CRACDL: variants seen among roughly 807,000 people sequenced by gnomAD.
CRACDL encodes CRACD like, also known as CRACD-like protein.
CRACDL carries 26 observed loss-of-function variants against 70.6 expected under a neutral mutation model. The ratio of observed to expected loss-of-function variants is 0.37; its 90% CI spans 0.27 to 0.51. CRACDL has a LOEUF of 0.51. CRACDL is among the 20% of genes least tolerant of loss of function. The pLI, the probability that CRACDL is intolerant of heterozygous loss-of-function variation, is 0.94. For missense variants in CRACDL, 1,283 were observed against 1,376.9 expected, an observed-to-expected ratio of 0.93 and a Z score of 1.08; for synonymous variants, 618 against 615.2, an observed-to-expected ratio of 1.00 and a Z score of -0.07.
chr2:98,822,303 G>T lies in CRACDL; in HGVS notation c.1970C>A (p.Ala657Glu), dbSNP rs1366098091. ...CTCTCTCGTGCCGGGCGCGGCGGCCGCCTCCTGAGGGCTCTTGCGCGGCCC... is the reference window on the plus strand; with the variant it reads ...CTCTCTCGTGCCGGGCGCGGCGGCCTCCTCCTGAGGGCTCTTGCGCGGCCC... ...PAGPRKSPQE[A>E]AAAPGTREPC... The change falls in exon 7 of 10, where the codon GCG becomes GAG. Residue 657 changes from alanine (A) to glutamate (E), a missense_variant. Coordinates refer to ENST00000397899, the MANE Select transcript of CRACDL (RefSeq NM_207362.3). The surrounding 1 kb of genome is among the most constrained non-coding windows in gnomAD (Gnocchi z 4.9). 6.6e-7 allele frequency: 1 copy of T among 1,515,700 alleles called. No individual in the cohort carries two copies. The highest frequency in any genetic ancestry group is 8.8e-7 in the Non-Finnish European group (1 of 1,141,938). 93.9% of individuals were successfully genotyped at this position (1,515,700 alleles called of 1,614,324 possible).
At chr2:98,915,551 A>C (rs899667898) in intron 1 of CRACDL, among the ~76,000 whole-genome samples, 1 of 152,132 alleles carries the variant, frequency 6.6e-6, no homozygotes, top group African/African-American at 2.4e-5. Flanking sequence ...AGTCACCTAG[A>C]TCACAGAGGG....
intron 7 of CRACDL, among the ~76,000 whole-genome samples, chr2:98,801,896 G>T (rs536496243): frequency 6.6e-6 from 1 of 152,338 alleles, no homozygotes; most frequent in Admixed American, 6.5e-5. Flanking sequence ...TCCTGCTGGA[G>T]GAGGGGTGGA....
At chr2:98,860,939 G>T (rs1706910883) in intron 1 of CRACDL, among the ~76,000 whole-genome samples, 1 of 152,116 alleles carries the variant, frequency 6.6e-6, no homozygotes, top group Non-Finnish European at 1.5e-5. Context: ...ACAGACAAAG[G>T]ATTTGAACAT....
At chr2:98,812,587 G>A (rs1479642773) in intron 7 of CRACDL, among the ~76,000 whole-genome samples, 4 of 151,968 alleles carry the variant, frequency 2.6e-5, no homozygotes, top group Non-Finnish European at 4.4e-5. Flanking sequence ...ATGGTTTTGT[G>A]TTTCCCTAAT....
intron 1 of CRACDL, among the ~76,000 whole-genome samples, chr2:98,929,908 G>T (rs571302840): frequency 1.3e-5 from 2 of 152,222 alleles, no homozygotes; most frequent in East Asian, 3.9e-4. Flanking sequence ...TGGACCCAAG[G>T]CAGCTGGGCA....
rs377141979 is a variant in CRACDL at position 98,882,278 on chromosome 2, C to T, written c.-10-35468G>A. Among the ~76,000 whole-genome samples, 303 of 152,338 alleles carry T rather than the reference C, an allele frequency of 2.0e-3. 1 individual carries two copies. The highest frequency in any genetic ancestry group is 7.0e-3 in the African/African-American group (291 of 41,574). On this transcript the variant is annotated intron_variant, in intron 1 of 9. Coordinates refer to ENST00000397899, the MANE Select transcript of CRACDL (RefSeq NM_207362.3). Reference sequence around the variant, plus strand: ...CCAGCAGGGCTAGAAATTGTGATCACCCAGGAATTCAGTTAGCCAGACTCT... The same window carrying T: ...CCAGCAGGGCTAGAAATTGTGATCATCCAGGAATTCAGTTAGCCAGACTCT...
intron 1 of CRACDL, among the ~76,000 whole-genome samples, chr2:98,884,019 G>A (rs962022550): frequency 6.6e-6 from 1 of 152,324 alleles, no homozygotes; most frequent in African/African-American, 2.4e-5. Context: ...GGAGCTGATC[G>A]GTGGCTGGGA....
chr2:98,832,358 G>A lies in CRACDL; in HGVS notation c.530C>T (p.Thr177Ile). ...ACAGGCCGCACTTGCCTTTATGGTG[G>A]TACCAGGACCCACGTCGTGCAGCAG... ...MSLLHDVGPG[T>I]TIKVSVVSPD... is the part of the protein sequence containing the mutation. The change falls in exon 5 of 10, where the codon ACC becomes ATC. Residue 177 changes from threonine (T) to isoleucine (I), a missense_variant. Around this residue, in one of 2 missense-constraint regions of CRACDL, gnomAD observed 362 missense variants for 495.0 expected, o/e 0.73. Transcript: ENST00000397899. 6.2e-7 allele frequency: 1 copy of A among 1,614,168 alleles called. No homozygotes were observed. Among genetic ancestry groups the A allele is most frequent in the Non-Finnish European group, 8.5e-7 (1 of 1,180,032 alleles).
At chr2:98,795,918 C>G (rs375584172) in intron 9 of CRACDL, among the ~76,000 whole-genome samples, 2 of 152,162 alleles carry the variant, frequency 1.3e-5, no homozygotes, top group East Asian at 3.8e-4. Flanking sequence ...CCGTGTTGTT[C>G]AAGGGTCAAC....
rs1468056572 is a variant in CRACDL at position 98,795,073 on chromosome 2, A to ATTTTTT, written c.2750-403_2750-402insAAAAAA. ...TATATATATATATATATATATATATATATATTTTTTTTTTTTTTTGAGACA... is the reference window on the plus strand; with the variant it reads ...TATATATATATATATATATATATATATTTTTTTATATTTTTTTTTTTTTTTGAGACA... On this transcript the variant is annotated intron_variant, in intron 9 of 9. Coordinates refer to ENST00000397899, the MANE Select transcript of CRACDL (RefSeq NM_207362.3). 4.5e-3 allele frequency among the ~76,000 whole-genome samples: 91 copies of ATTTTTT among 20,074 alleles called. 2 individuals are homozygous for ATTTTTT. Among genetic ancestry groups the ATTTTTT allele is most frequent in the South Asian group, 0.035 (8 of 230 alleles). The allele number at this position is 20,074 out of a possible 152,430, so 13.2% of individuals were successfully genotyped here. A position where few individuals can be genotyped will look rare whatever the true frequency, so the allele number is the denominator to read the frequency against.
chr2:98,858,340 C>T (rs1313856946), intron 1 of CRACDL, among the ~76,000 whole-genome samples: 3 of 151,838 alleles, frequency 2.0e-5, no homozygotes, highest in Non-Finnish European at 4.4e-5. Flanking sequence ...CATGGTGAAA[C>T]CCCATCTCCA....
At chr2:98,831,129 G>A (rs1009910412) in intron 5 of CRACDL, among the ~76,000 whole-genome samples, 8 of 152,152 alleles carry the variant, frequency 5.3e-5, no homozygotes, top group South Asian at 2.1e-4. Context: ...CCTTCTGCTC[G>A]AGGCTGGAGA....
At chr2:98,804,455 T>A (rs561548552) in intron 7 of CRACDL, among the ~76,000 whole-genome samples, 195 of 152,336 alleles carry the variant, frequency 1.3e-3, no homozygotes, top group Admixed American at 2.7e-3. Flanking sequence ...GCAAAACATT[T>A]GAGTTTCCCA....
At chr2:98,820,252 A>T (rs947276397) in intron 7 of CRACDL, among the ~76,000 whole-genome samples, 10 of 152,006 alleles carry the variant, frequency 6.6e-5, no homozygotes, top group Non-Finnish European at 2.9e-5. Context: ...CCAGCAGGTC[A>T]GGCATGGTGG....
chr2:98,879,365 T>C (rs917632121), intron 1 of CRACDL, among the ~76,000 whole-genome samples: 1 of 152,218 alleles, frequency 6.6e-6, no homozygotes, highest in Non-Finnish European at 1.5e-5. Context: ...TTCTTTGAAC[T>C]GTTTCATAGG....
At position 98,832,448 on chromosome 2, in the gene CRACDL, C is replaced by A. The variant is rs772608832; in HGVS notation, c.440G>T (p.Arg147Leu). The stretch of plus-strand genomic sequence containing the variant: ...AGAGCTCATGCCGGCATCCTCTCCC[C>A]GCTTGGCAGGAAGCCCCCCTGGAGG... ...PPPPGGLPAK[R>L]GEDAGMSSED... The change falls in exon 5 of 10, where the codon CGG (arginine) becomes CTG (leucine). Residue 147 changes from arginine (R) to leucine (L), a missense_variant. Arg to Leu is a moderately radical substitution (Grantham distance 102). Coordinates refer to ENST00000397899, the MANE Select transcript of CRACDL (RefSeq NM_207362.3). The A allele has an allele frequency of 6.2e-7, 1 of 1,613,982 alleles. No individual in the cohort carries two copies. Among genetic ancestry groups the A allele is most frequent in the Non-Finnish European group, 8.5e-7 (1 of 1,179,862 alleles).
chr2:98,838,648 C>G (rs906677648), intron 2 of CRACDL, among the ~76,000 whole-genome samples: 3 of 152,102 alleles, frequency 2.0e-5, no homozygotes, highest in African/African-American at 7.2e-5. Context: ...GCCTTAGTGA[C>G]AGAGCAAGAC....
At chr2:98,806,994 TCTCCC>T (rs1255753077) in intron 7 of CRACDL, among the ~76,000 whole-genome samples, 1 of 152,152 alleles carries the variant, frequency 6.6e-6, no homozygotes, top group Non-Finnish European at 1.5e-5. Flanking sequence ...TAGGGAAGTT[TCTCCC>T]GACCAAAGAA....
chr2:98,817,603 C>T (rs182938590), intron 7 of CRACDL, among the ~76,000 whole-genome samples: 1 of 152,212 alleles, frequency 6.6e-6, no homozygotes, highest in Non-Finnish European at 1.5e-5. Context: ...CAGCTACCAC[C>T]TGCCTTCTCT....
Sources: gnomAD v4.1 joint callset for allele counts (sites outside exome capture counted in the v4.1 genomes callset) on GRCh38, gnomAD v4.1.1 for gene constraint, gnomAD v4.1.1 regional missense constraint, Gnocchi (gnomAD v3.1) non-coding constraint, MANE v1.5 for transcripts, NCBI Gene and HGNC (gene_info 2026-07-23, HGNC 2026-07-21) for gene names.